ACO1: variants seen among roughly 807,000 people sequenced by gnomAD.
ACO1 encodes aconitase 1.
A neutral mutation model predicts 105.1 loss-of-function variants in ACO1; 78 were observed. The observed-to-expected ratio is 0.74, with a 90% CI of 0.62 to 0.90. The LOEUF (loss-of-function observed/expected upper bound fraction) is 0.90. ACO1 is among the 40% of genes least tolerant of loss of function. ACO1 has a pLI of 0.00. For missense variants in ACO1, 965 were observed against 1,111.1 expected, an observed-to-expected ratio of 0.87 and a Z score of 1.87; for synonymous variants, 364 against 397.4, an observed-to-expected ratio of 0.92 and a Z score of 1.00.
At chr9:32,384,761 C>T (rs1821119753) in intron 1 of ACO1, 26 bp downstream of exon 1, 1 of 368,566 alleles carries the variant, frequency 2.7e-6, no homozygotes, top group South Asian at 1.8e-5. Context: ...GCCCGACCCA[C>T]GTCCCCAGGC....
At position 32,430,437 on chromosome 9, in the gene ACO1, G is replaced by C. The variant is rs1822200957; in HGVS notation, c.1589G>C (p.Gly530Ala). 1 of 1,611,660 alleles carries C rather than the reference G, an allele frequency of 6.2e-7. No homozygotes were observed. Among genetic ancestry groups the C allele is most frequent in the Non-Finnish European group, 8.5e-7 (1 of 1,179,108 alleles). The change falls in exon 14 of 21, where the codon GGA (glycine) becomes GCA (alanine). Residue 530 changes from glycine (G) to alanine (A), a missense_variant. Coordinates refer to ENST00000309951, the MANE Select transcript of ACO1 (RefSeq NM_002197.3). Reference sequence around the variant, plus strand: ...ACTCAGGGAGACCTTGTAGCTGTTGGAGTACTATCTGGAAACAGGAATTTT... The same window carrying C: ...ACTCAGGGAGACCTTGTAGCTGTTGCAGTACTATCTGGAAACAGGAATTTT... ...AITQGDLVAV[G>A]VLSGNRNFEG...
At chr9:32,425,357 A>G (rs956179319) in intron 10 of ACO1, among the ~76,000 whole-genome samples, 2 of 152,210 alleles carry the variant, frequency 1.3e-5, no homozygotes, top group Non-Finnish European at 2.9e-5. Flanking sequence ...TATGCCAAAT[A>G]TTCAGCTGTA....
In ACO1 at chr9:32,451,305, C is replaced by T. The variant is rs1822762622; in HGVS notation, c.*1194C>T. The T allele has an allele frequency of 6.6e-6, 1 of 152,280 alleles. No homozygotes were observed. Among genetic ancestry groups the T allele is most frequent in the African/African-American group, 2.4e-5 (1 of 41,544 alleles). 9.4% of individuals were successfully genotyped at this position (152,280 alleles called of 1,614,324 possible). A position where few individuals can be genotyped will look rare whatever the true frequency, so the allele number is the denominator to read the frequency against. ...TGGTGAGGACACTCTTCCTGGTTTA[C>T]AGATGGCCACCTTCTTGCTTGTTCT... On this transcript the variant is annotated 3_prime_UTR_variant, in exon 21 of 21. Transcript: ENST00000309951.
In ACO1 at chr9:32,440,540, G is replaced by A. The variant is rs1472878490; in HGVS notation, c.2323G>A (p.Gly775Ser). 9.3e-6 allele frequency: 15 copies of A among 1,613,978 alleles called. No homozygotes were observed. The highest frequency in any genetic ancestry group is 1.3e-5 in the African/African-American group (1 of 75,012). ...PLIVLAGKEY[G>S]AGSSRDWAAK... ...GATCGTTCTGGCTGGCAAAGAGTAC[G>A]GTGCAGGCAGCTCCCGAGACTGGGC... The change falls in exon 19 of 21, where the codon GGT (glycine) becomes AGT (serine). Residue 775 changes from glycine to serine, a missense_variant. Transcript: ENST00000309951.
chr9:32,394,712 A>AT (rs1198187346), intron 1 of ACO1, among the ~76,000 whole-genome samples: 1 of 152,154 alleles, frequency 6.6e-6, no homozygotes, highest in Non-Finnish European at 1.5e-5. Flanking sequence ...ACATCCTTCT[A>AT]TCCTGCTGCG....
rs546955402 is a variant in ACO1 at position 32,450,502 on chromosome 9, G to C, written c.*391G>C. The C allele has an allele frequency of 1.4e-4, 42 of 295,382 alleles. No individual in the cohort carries two copies. In the East Asian group the frequency reaches 1.7e-3, roughly 12 times the overall value. 18.3% of individuals were successfully genotyped at this position (295,382 alleles called of 1,614,324 possible). On this transcript the variant is annotated 3_prime_UTR_variant, in exon 21 of 21. Transcript: ENST00000309951. ...CCTCTTATTGTTCCTCTTACGCTCT[G>C]CTCAATGAAACCTTCCTCTTGAGGG... is the stretch of plus-strand genomic sequence containing the variant.
chr9:32,448,973 TGAATATCTCCCTGGTGA>T lies in ACO1; in HGVS notation c.2453_2469del (p.Tyr818CysfsTer43), dbSNP rs1400334727. ...TGGTTGGGATGGGTGTGATCCCACT[TGAATATCTCCCTGGTGA>T]GAATGCAGATGCCCTGGGGCTCACA... On this transcript the variant is annotated frameshift_variant, in exon 20 of 21. Coordinates refer to ENST00000309951, the MANE Select transcript of ACO1 (RefSeq NM_002197.3). LOFTEE classifies it high-confidence loss of function. 3.8e-5 allele frequency: 62 copies of T among 1,614,054 alleles called. No homozygotes were observed. Among genetic ancestry groups the T allele is most frequent in the Non-Finnish European group, 5.2e-5 (61 of 1,180,034 alleles).
intron 1 of ACO1, among the ~76,000 whole-genome samples, chr9:32,394,469 C>T (rs1023678728): frequency 2.6e-5 from 4 of 152,218 alleles, no homozygotes; most frequent in African/African-American, 7.2e-5. Context: ...ACACCAGTCC[C>T]TTCCCATAGA....
intron 4 of ACO1, among the ~76,000 whole-genome samples, chr9:32,412,116 A>G (rs760752999): frequency 8.5e-5 from 13 of 152,224 alleles, no homozygotes; most frequent in Admixed American, 8.5e-4. Flanking sequence ...TGAAGCCTAG[A>G]AACATTCTAA....
At chr9:32,404,976 T>C (rs1277392735) in intron 1 of ACO1, among the ~76,000 whole-genome samples, 1 of 152,250 alleles carries the variant, frequency 6.6e-6, no homozygotes, top group Non-Finnish European at 1.5e-5. Flanking sequence ...TTACGGTGTA[T>C]TCCAGTAGCC....
At chr9:32,430,675 C>A in intron 14 of ACO1, 101 bp downstream of exon 14, 1 of 1,278,594 alleles carries the variant, frequency 7.8e-7, no homozygotes, top group South Asian at 1.5e-5. Context: ...ATAGAGCCTC[C>A]AGGGATAAGA....
intron 1 of ACO1, among the ~76,000 whole-genome samples, chr9:32,389,208 C>T (rs1318945109): frequency 6.6e-6 from 1 of 152,196 alleles, no homozygotes; most frequent in Non-Finnish European, 1.5e-5. Context: ...GGAGAGAAAG[C>T]ATGTGCATAT....
intron 12 of ACO1, among the ~76,000 whole-genome samples, chr9:32,427,924 TA>T (rs1212620679): frequency 2.6e-5 from 4 of 152,208 alleles, no homozygotes; most frequent in African/African-American, 9.6e-5. Context: ...CTTTATTTCA[TA>T]AGTTTTTTCC....
chr9:32,400,574 C>T (rs1821474797), intron 1 of ACO1, among the ~76,000 whole-genome samples: 1 of 152,294 alleles, frequency 6.6e-6, no homozygotes, highest in Middle Eastern at 3.4e-3. Flanking sequence ...TTAAATACAT[C>T]TTCACCAGTC....
chr9:32,441,997 TC>T (rs1822490936), intron 19 of ACO1, among the ~76,000 whole-genome samples: 1 of 152,048 alleles, frequency 6.6e-6, no homozygotes, highest in Non-Finnish European at 1.5e-5. Context: ...CATCCATCTA[TC>T]CCTAAAACCC....
chr9:32,443,799 G>GCAAA (rs1822534650), intron 19 of ACO1, among the ~76,000 whole-genome samples: 1 of 152,140 alleles, frequency 6.6e-6, no homozygotes, highest in Admixed American at 6.6e-5. Flanking sequence ...CAAAATATAT[G>GCAAA]CAAACATTTT....
Position 32,424,630 on chromosome 9 carries a change from A to G in ACO1, c.1153A>G (p.Met385Val), listed in dbSNP as rs1241088294. Residue 385 changes from methionine to valine, a missense_variant, in exon 10 of 21, where the codon ATG becomes GTG. Met to Val is a conservative substitution (Grantham distance 21). Transcript: ENST00000309951. ...TCAGGACAAAGTTGCTGTGTCCGAC[A>G]TGAAAAAGGACTTTGAGAGCTGCCT... ...RPQDKVAVSDMKKDFESCLGA... is the reference protein window; with the variant it reads ...RPQDKVAVSDVKKDFESCLGA... 3 of 1,614,012 alleles carry G rather than the reference A, an allele frequency of 1.9e-6. No individual in the cohort carries two copies. The highest frequency in any genetic ancestry group is 2.5e-6 in the Non-Finnish European group (3 of 1,180,012).
At chr9:32,418,605 A>G (rs1821904015) in intron 6 of ACO1, 94 bp downstream of exon 6, 1 of 1,374,328 alleles carries the variant, frequency 7.3e-7, no homozygotes, top group Non-Finnish European at 9.9e-7. Context: ...CATGACCACA[A>G]GTTTCCGAGA....
At position 32,418,279 on chromosome 9, in the gene ACO1, T is replaced by C. The variant is rs2274721; in HGVS notation, c.475-49T>C. On this transcript the variant is annotated intron_variant, in intron 5 of 20. Transcript: ENST00000309951. ...AGAGATGCCAAGGAGATGGGCTGAGTAGAAGTACTTCACGCGTTCATAGTG... is the reference window on the plus strand; with the variant it reads ...AGAGATGCCAAGGAGATGGGCTGAGCAGAAGTACTTCACGCGTTCATAGTG... 3,628 of 1,612,720 alleles carry C rather than the reference T, an allele frequency of 2.2e-3. 64 individuals are homozygous for C. In the East Asian group the frequency reaches 0.04, roughly 18 times the overall value.
Sources: allele counts gnomAD v4.1 joint callset (sites outside exome capture counted in the v4.1 genomes callset), GRCh38; gene constraint gnomAD v4.1.1; transcripts MANE v1.5; gene names NCBI Gene and HGNC (gene_info 2026-07-23, HGNC 2026-07-21).